The following CLCN6 variants were observed in gnomAD, a reference collection of about 807,000 sequenced individuals.
The protein encoded by CLCN6 is H(+)/Cl(-) exchange transporter 6.
CLCN6 carries 70 observed loss-of-function variants against 109.8 expected under a neutral mutation model. The ratio of observed to expected loss-of-function variants is 0.64; its 90% CI spans 0.53 to 0.78. CLCN6 has a LOEUF of 0.78. Ranked by LOEUF, CLCN6 falls within the 30% of genes least tolerant of loss-of-function variation. The probability of loss-of-function intolerance (pLI) is 0.00; values close to 1 mark genes in which losing one functional copy is unlikely to be tolerated. For synonymous variants in CLCN6, 444 were observed against 447.8 expected (o/e 0.99, Z 0.11); for missense variants, 984 against 1,142.3 (o/e 0.86, Z 2.00).
rs1327080406 is a variant in CLCN6, at chr1:11,823,743, T to C, written c.490T>C (p.Cys164Arg). Residue 164 changes from cysteine to arginine, a missense_variant, in exon 7 of 23, where the codon TGC (cysteine) becomes CGC (arginine). Physicochemically the swap from Cys to Arg is radical, Grantham distance 180. Coordinates refer to ENST00000346436, the MANE Select transcript of CLCN6 (RefSeq NM_001286.5). ...AGGTTCCGGGATACCCGAGGTCAAATGCTATCTGAATGGCGTAAAGGTGCC... is the reference window on the plus strand; with the variant it reads ...AGGTTCCGGGATACCCGAGGTCAAACGCTATCTGAATGGCGTAAAGGTGCC... ...AAGSGIPEVK[C>R]YLNGVKVPGI... The C allele has an allele frequency of 1.2e-6, 2 of 1,614,156 alleles. No homozygotes were observed. Among genetic ancestry groups the C allele is most frequent in the Non-Finnish European group, 1.7e-6 (2 of 1,180,064 alleles).
At chr1:11,820,244 A>ATGCACCATGACTGTGCC in intron 5 of CLCN6, 1 of 604,386 alleles carries the variant, frequency 1.7e-6, no homozygotes, top group Non-Finnish European at 3.1e-6. Flanking sequence ...TGAGGCTGTA[A>ATGCACCATGACTGTGCC]TGCACCATGA....
At chr1:11,831,689 C>CTT (rs1469843742) in intron 13 of CLCN6, among the ~76,000 whole-genome samples, 1 of 152,120 alleles carries the variant, frequency 6.6e-6, no homozygotes, top group African/African-American at 2.4e-5. Context: ...AAATATGCTT[C>CTT]TTTATCTTTT....
chr1:11,824,632 A>T, intron 8 of CLCN6, 79 bp downstream of exon 8: 5 of 1,127,512 alleles, frequency 4.4e-6, no homozygotes, highest in Non-Finnish European at 6.4e-6. Flanking sequence ...ATCCATTGGG[A>T]CACCCTGACA....
chr1:11,839,065 C>A, intron 22 of CLCN6: 1 of 593,038 alleles, frequency 1.7e-6, no homozygotes, highest in South Asian at 2.1e-5. Flanking sequence ...TGCAGACTTT[C>A]CTTTTTTCTT....
At position 11,834,577 on chromosome 1, in the gene CLCN6, G is replaced by A. The variant is rs760972839; in HGVS notation, c.1780G>A (p.Val594Met). 5.0e-6 allele frequency: 8 copies of A among 1,613,878 alleles called. No individual in the cohort carries two copies. Among genetic ancestry groups the A allele is most frequent in the Admixed American group, 1.7e-5 (1 of 60,012 alleles). ...GCCGCTTCTGGAATGGGAGACAGAG[G>A]TGGAAATGGACAAGTAAGGCCATGA... ...GVPLLEWETEVEMDKLRASDI... is the reference protein window; with the variant it reads ...GVPLLEWETEMEMDKLRASDI... The change falls in exon 17 of 23, where the codon GTG (valine) becomes ATG (methionine). Residue 594 changes from valine to methionine, a missense_variant. Coordinates refer to ENST00000346436, the MANE Select transcript of CLCN6 (RefSeq NM_001286.5). The surrounding 1 kb of genome is among the most constrained non-coding windows in gnomAD (Gnocchi z 4.5).
chr1:11,812,346 T>C (rs1488190936), intron 2 of CLCN6, among the ~76,000 whole-genome samples: 4 of 152,210 alleles, frequency 2.6e-5, no homozygotes, highest in Non-Finnish European at 4.4e-5. Flanking sequence ...TTTCATGCCC[T>C]CTCCAGGCAC....
intron 13 of CLCN6, 72 bp downstream of exon 13, chr1:11,829,394 G>A: frequency 6.4e-7 from 1 of 1,556,476 alleles, no homozygotes; most frequent in East Asian, 2.2e-5. Context: ...ACCTTCCTCT[G>A]TTGAGAACTA....
At chr1:11,820,618 TTAG>T (rs1644728826) in intron 5 of CLCN6, 2 of 390,868 alleles carry the variant, frequency 5.1e-6, no homozygotes, top group Admixed American at 7.9e-5. Flanking sequence ...TACAAAAAAA[TTAG>T]CTGGGCGTGG....
At position 11,834,102 on chromosome 1, in the gene CLCN6, G is replaced by A. The variant is rs560491247; in HGVS notation, c.1526+72G>A. The A allele has an allele frequency of 6.5e-5, 103 of 1,593,338 alleles. 1 individual carries two copies. The Middle Eastern group carries it at 7.9e-4, about 12-fold the overall frequency. ...CGTGTGCGTGTGTATGCATGTGTGT[G>A]CGTGTGCGTGCGTTGATGTGTCTGT... On this transcript the variant is annotated intron_variant, in intron 15 of 22. Coordinates refer to ENST00000346436, the MANE Select transcript of CLCN6 (RefSeq NM_001286.5). The surrounding 1 kb of genome is among the most constrained non-coding windows in gnomAD (Gnocchi z 4.5).
At chr1:11,836,267 G>T in intron 18 of CLCN6, 114 bp downstream of exon 18, 1 of 927,100 alleles carries the variant, frequency 1.1e-6, no homozygotes, top group Non-Finnish European at 1.6e-6. Context: ...CTCAGGGGAA[G>T]TTGGCACTGT....
Position 11,828,108 on chromosome 1 carries a change from C to T in CLCN6, c.843C>T (p.Leu281=), listed in dbSNP as rs1429475160. ...GTCTTTTGTCACCTCTCCCCTAGCT[C>T]TTTTGTTCCATGTCTGCCACCTTCA... ...FWNQGLTWKV[L]FCSMSATFTL... is the part of the protein sequence containing the mutation. Residue 281 remains leucine (L), a splice_region_variant and synonymous_variant, in exon 11 of 23, where the codon CTC becomes CTT. Transcript: ENST00000346436. The T allele has an allele frequency of 1.2e-6, 2 of 1,613,028 alleles. No individual in the cohort carries two copies. Among genetic ancestry groups the T allele is most frequent in the Non-Finnish European group, 1.7e-6 (2 of 1,179,100 alleles).
intron 8 of CLCN6, among the ~76,000 whole-genome samples, chr1:11,825,894 G>A (rs1174224925): frequency 6.6e-6 from 1 of 152,208 alleles, no homozygotes; most frequent in Non-Finnish European, 1.5e-5. Flanking sequence ...CCAAAGTGGT[G>A]GGATTACAGG....
chr1:11,828,740 A>G, intron 12 of CLCN6, 116 bp downstream of exon 12: 3 of 1,128,118 alleles, frequency 2.7e-6, no homozygotes, highest in Non-Finnish European at 3.8e-6. Context: ...TTCTCATCTA[A>G]GACTGAGAAT....
rs146978720 is a variant in CLCN6, at chr1:11,841,055, C to T, written c.*832C>T. 6.5e-5 allele frequency: 10 copies of T among 152,730 alleles called. No homozygotes were observed. Among genetic ancestry groups the T allele is most frequent in the African/African-American group, 2.4e-4 (10 of 41,578 alleles). 9.5% of individuals were successfully genotyped at this position (152,730 alleles called of 1,614,324 possible). The stretch of plus-strand genomic sequence containing the variant: ...TTTGATCTCCGTCTTCCTGATGAAG[C>T]AGGCAGAGCTCAGAGGATCTTGGCA... On this transcript the variant is annotated 3_prime_UTR_variant, in exon 23 of 23. Transcript: ENST00000346436.
chr1:11,820,615 A>G (rs1259452107), intron 5 of CLCN6: 8 of 398,868 alleles, frequency 2.0e-5, no homozygotes, highest in Non-Finnish European at 3.3e-5. Flanking sequence ...AAATACAAAA[A>G]AATTAGCTGG....
rs374671109 is a variant in CLCN6 at position 11,826,199 on chromosome 1, A to G, written c.692A>G (p.Tyr231Cys). The G allele has an allele frequency of 1.4e-5, 23 of 1,613,198 alleles. No individual in the cohort carries two copies. The highest frequency in any genetic ancestry group is 1.9e-5 in the Non-Finnish European group (23 of 1,179,702). The change falls in exon 9 of 23, where the codon TAT (tyrosine) becomes TGT (cysteine). Residue 231 changes from tyrosine to cysteine, a missense_variant. Transcript: ENST00000346436. ...CGGAAGATCCAGTTTAACTTCCCCT[A>G]TTTCCGAAGCGACAGGTATGGAAAG... is the stretch of plus-strand genomic sequence containing the variant. ...SLRKIQFNFP[Y>C]FRSDRDKRDF...
rs747861448 is a variant in CLCN6, at chr1:11,828,649, C to G, written c.1121+25C>G. The G allele has an allele frequency of 5.7e-6, 9 of 1,572,836 alleles. No homozygotes were observed. The East Asian group carries it at 1.1e-4, about 20-fold the overall frequency. On this transcript the variant is annotated intron_variant, in intron 12 of 22. Coordinates refer to ENST00000346436, the MANE Select transcript of CLCN6 (RefSeq NM_001286.5). Reference sequence around the variant, plus strand: ...GGTATCTGCACAGTCGCCTCCCCCCCGAGCCTGCTGCGGCTCCCTGAGCTT... The same window carrying G: ...GGTATCTGCACAGTCGCCTCCCCCCGGAGCCTGCTGCGGCTCCCTGAGCTT...
chr1:11,819,378 C>G, intron 4 of CLCN6, 110 bp from the exon 5 acceptor site: 1 of 956,420 alleles, frequency 1.0e-6, no homozygotes, highest in South Asian at 1.3e-5. Context: ...TGGTGAGCAG[C>G]CTCCGTATGT....
chr1:11,813,195 T>C (rs552534112), intron 2 of CLCN6, among the ~76,000 whole-genome samples: 196 of 152,318 alleles, frequency 1.3e-3, no homozygotes, highest in African/African-American at 4.5e-3. Flanking sequence ...GTTAAATAAG[T>C]GGATGCCTTT....
Sources: gnomAD v4.1 joint callset for allele counts (sites outside exome capture counted in the v4.1 genomes callset) on GRCh38, gnomAD v4.1.1 for gene constraint, Gnocchi (gnomAD v3.1) non-coding constraint, MANE v1.5 for transcripts, NCBI Gene and HGNC (gene_info 2026-07-23, HGNC 2026-07-21) for gene names.